Variants in CCDC57 observed in about 807,000 individuals in gnomAD.
CCDC57 encodes the protein coiled-coil domain-containing protein 57.
A neutral mutation model predicts 118.9 loss-of-function variants in CCDC57; 118 were observed. The observed-to-expected ratio is 0.99, with a 90% CI of 0.86 to 1.16. The LOEUF (loss-of-function observed/expected upper bound fraction) is 1.16, where lower values mean the gene tolerates loss of function less well. CCDC57 is among the 50% of genes most tolerant of loss of function. CCDC57 has a pLI of 0.00. For missense variants in CCDC57, 1,300 were observed against 1,320.7 expected, an observed-to-expected ratio of 0.98 and a Z score of 0.24; for synonymous variants, 527 against 532.9, an observed-to-expected ratio of 0.99 and a Z score of 0.15.
At chr17:82,175,395 A>G (rs1409289626) in intron 11 of CCDC57, among the ~76,000 whole-genome samples, 4 of 152,354 alleles carry the variant, frequency 2.6e-5, no homozygotes, top group Non-Finnish European at 5.9e-5. Context: ...TGAAAGGAAA[A>G]TATCACTAAG....
In CCDC57 at chr17:82,132,118, CAAAAA is replaced by C. The variant is rs58856013; in HGVS notation, c.2577+1950_2577+1954del. Among the ~76,000 whole-genome samples, 774 of 101,880 alleles carry C rather than the reference CAAAAA, an allele frequency of 7.6e-3. 5 individuals carry two copies. Among genetic ancestry groups the C allele is most frequent in the African/African-American group, 0.024 (667 of 27,440 alleles). 66.8% of individuals were successfully genotyped at this position (101,880 alleles called of 152,430 possible). A position where few individuals can be genotyped will look rare whatever the true frequency, so the allele number is the denominator to read the frequency against. ...TGGGTGACAGAGCGAGACTCTGTCT[CAAAAA>C]AAAAAAAAAAAAAAAGAATAAATAA... On this transcript the variant is annotated intron_variant, in intron 17 of 19. Coordinates refer to ENST00000665763, the Ensembl canonical transcript of CCDC57.
rs570246857 is a variant in CCDC57 at position 82,212,043 on chromosome 17, C to T, written c.-211+742G>A. On this transcript the variant is annotated intron_variant, in intron 1 of 19. Coordinates refer to ENST00000665763, the Ensembl canonical transcript of CCDC57. This position sits in a 1 kb window ranked among gnomAD's most constrained non-coding sequence, Gnocchi z 4.1. ...CCCTCCTCTATTTAGACCAAGGTAT[C>T]AAAAGAAATCTAGCCCCTTCTTCGG... Among the ~76,000 whole-genome samples the T allele has an allele frequency of 1.3e-5, 2 of 152,292 alleles. No individual in the cohort carries two copies. Among genetic ancestry groups the T allele is most frequent in the South Asian group, 4.1e-4 (2 of 4,830 alleles).
chr17:82,178,447 T>G, intron 11 of CCDC57, 27 bp downstream of exon 10: 1 of 1,570,940 alleles, frequency 6.4e-7, no homozygotes, highest in Non-Finnish European at 8.6e-7. Flanking sequence ...TGAGCAAAGT[T>G]TCAAAGAGCC....
rs2145070435 is a variant in CCDC57, at chr17:82,118,918, G to A, written c.2899+8774C>T. 6.6e-6 allele frequency among the ~76,000 whole-genome samples: 1 copy of A among 151,602 alleles called. No individual in the cohort carries two copies. Among genetic ancestry groups the A allele is most frequent in the Middle Eastern group, 3.4e-3 (1 of 294 alleles). On this transcript the variant is annotated intron_variant, in intron 19 of 19. Coordinates refer to ENST00000665763, the Ensembl canonical transcript of CCDC57. The surrounding 1 kb of genome is among the most constrained non-coding windows in gnomAD (Gnocchi z 4.7). ...CTGCGTATTTTCGTGGTTTGCCTTG[G>A]AGTCCCTCCCTCGCCCTGGAATGCC...
chr17:82,139,187 C>CT (rs1364708625), intron 16 of CCDC57, among the ~76,000 whole-genome samples: 1 of 152,200 alleles, frequency 6.6e-6, no homozygotes, highest in Non-Finnish European at 1.5e-5. Flanking sequence ...CTTGGATTAA[C>CT]TTTGTCTAGA....
chr17:82,172,795 G>A lies in CCDC57; in HGVS notation c.1572C>T (p.Leu524=). Residue 524 remains leucine, a synonymous_variant, in exon 12 of 20, where the codon CTC becomes CTT. Coordinates refer to ENST00000665763, the Ensembl canonical transcript of CCDC57. This position sits in a 1 kb window ranked among gnomAD's most constrained non-coding sequence, Gnocchi z 5.2. ...TTCGCAAGCTCGTGTTCTGCTCTCG[G>A]AGCCGCTGGATCTCACTGGATGGAA... 6.2e-7 allele frequency: 1 copy of A among 1,613,582 alleles called. No homozygotes were observed. Among genetic ancestry groups the A allele is most frequent in the Non-Finnish European group, 8.5e-7 (1 of 1,179,770 alleles).
At chr17:82,208,627 C>G (rs921182519) in intron 1 of CCDC57, among the ~76,000 whole-genome samples, 4 of 152,090 alleles carry the variant, frequency 2.6e-5, no homozygotes, top group African/African-American at 9.7e-5. Flanking sequence ...ACTTTGTACT[C>G]AGGACAGAGG....
intron 19 of CCDC57, among the ~76,000 whole-genome samples, chr17:82,123,590 T>C (rs1472369764): frequency 1.3e-5 from 2 of 151,986 alleles, no homozygotes; most frequent in Admixed American, 1.3e-4. Context: ...AAAGCAACAA[T>C]TGACAAAAAC....
intron 16 of CCDC57, among the ~76,000 whole-genome samples, chr17:82,143,711 A>T (rs7503111): frequency 0.47 from 71,100 of 151,998 alleles, 17,443 homozygotes; most frequent in East Asian, 0.88. Flanking sequence ...AAAAACATAC[A>T]GATTCCTGAG....
chr17:82,102,900 C>A lies in CCDC57; in HGVS notation c.2900-1034G>T, dbSNP rs866265643. 7.8e-3 allele frequency among the ~76,000 whole-genome samples: 1,140 copies of A among 146,704 alleles called. 18 individuals are homozygous for A. The highest frequency in any genetic ancestry group is 0.026 in the African/African-American group (1,021 of 39,666). On this transcript the variant is annotated intron_variant, in intron 19 of 19. Coordinates refer to ENST00000665763, the Ensembl canonical transcript of CCDC57. ...AACTCTATCTCAAAAAAAAAAAAAA[C>A]AAAAAAAACCCCACAGTAAGATGTG...
rs574551489 is a variant in CCDC57, at chr17:82,192,690, C to T, written c.851+1066G>A. Among the ~76,000 whole-genome samples, 4 of 152,148 alleles carry T rather than the reference C, an allele frequency of 2.6e-5. No homozygotes were observed. Among genetic ancestry groups the T allele is most frequent in the African/African-American group, 9.7e-5 (4 of 41,440 alleles). ...AACCCGGATGGGTGCCCTCACAATGCGAGCCAGCTGAGGGCACAACCCTCT... is the reference window on the plus strand; with the variant it reads ...AACCCGGATGGGTGCCCTCACAATGTGAGCCAGCTGAGGGCACAACCCTCT... On this transcript the variant is annotated intron_variant, in intron 7 of 19. Transcript: ENST00000665763. The surrounding 1 kb of genome is among the most constrained non-coding windows in gnomAD (Gnocchi z 4.0).
rs1568160215 is a variant in CCDC57 at position 82,118,356 on chromosome 17, T to C, written c.2899+9336A>G. Among the ~76,000 whole-genome samples the C allele has an allele frequency of 1.3e-5, 2 of 152,072 alleles. No individual in the cohort carries two copies. Among genetic ancestry groups the C allele is most frequent in the East Asian group, 3.9e-4 (2 of 5,184 alleles). On this transcript the variant is annotated intron_variant, in intron 19 of 19. Coordinates refer to ENST00000665763, the Ensembl canonical transcript of CCDC57. This position sits in a 1 kb window ranked among gnomAD's most constrained non-coding sequence, Gnocchi z 4.7. ...GCGCAGGACTGAAACCCGATGTGGGTGTTATCCATTAGCGCAGGACTGAAA... is the reference window on the plus strand; with the variant it reads ...GCGCAGGACTGAAACCCGATGTGGGCGTTATCCATTAGCGCAGGACTGAAA...
exon 5 of CCDC57, chr17:82,195,356 C>G: frequency 6.3e-7 from 1 of 1,591,444 alleles, no homozygotes; most frequent in South Asian, 1.2e-5. Context: ...CAAACTCCAG[C>G]AGCAGTTCCT....
chr17:82,151,590 T>C (rs2042078686), exon 16 of CCDC57: 3 of 1,550,226 alleles, frequency 1.9e-6, no homozygotes, highest in Non-Finnish European at 2.6e-6. Context: ...GCACGGAGCC[T>C]GTTCCCCATC....
At chr17:82,123,982 CAAAAAA>C (rs200031813) in intron 19 of CCDC57, among the ~76,000 whole-genome samples, 7 of 64,292 alleles carry the variant, frequency 1.1e-4, no homozygotes, top group Admixed American at 4.1e-4. Context: ...CATCCAAAAG[CAAAAAA>C]AAAAAAAAAA....
At chr17:82,148,812 T>A (rs1418336157) in intron 16 of CCDC57, among the ~76,000 whole-genome samples, 1 of 21,922 alleles carries the variant, frequency 4.6e-5, no homozygotes, top group African/African-American at 1.9e-4. Flanking sequence ...GATGGATGGG[T>A]GGGTGGGTGG....
intron 16 of CCDC57, among the ~76,000 whole-genome samples, chr17:82,144,854 G>A (rs940743614): frequency 3.9e-5 from 6 of 151,974 alleles, no homozygotes; most frequent in African/African-American, 2.4e-5. Context: ...ATCATTTCCC[G>A]ATGCATTAAA....
intron 13 of CCDC57, among the ~76,000 whole-genome samples, chr17:82,169,204 G>A (rs555024366): frequency 1.8e-4 from 27 of 152,258 alleles, no homozygotes; most frequent in Middle Eastern, 3.4e-3. Flanking sequence ...TCGGCTCACT[G>A]CAACCTCCGC....
intron 9 of CCDC57, among the ~76,000 whole-genome samples, chr17:82,181,206 CAGG>C (rs1444818163): frequency 3.9e-5 from 6 of 152,250 alleles, no homozygotes; most frequent in Non-Finnish European, 7.3e-5. Context: ...TGCAAATACA[CAGG>C]AGAAGCCAAC....
Sources: allele counts gnomAD v4.1 joint callset (sites outside exome capture counted in the v4.1 genomes callset), GRCh38; gene constraint gnomAD v4.1.1; non-coding constraint Gnocchi (gnomAD v3.1); transcripts MANE v1.5; gene names NCBI Gene and HGNC (gene_info 2026-07-23, HGNC 2026-07-21).